Variants in MREG observed in about 807,000 individuals in gnomAD.
MREG encodes melanoregulin.
In MREG, 31 loss-of-function variants were observed where a neutral mutation model predicts 28.5. The observed-to-expected ratio is 1.09, with a 90% CI of 0.82 to 1.47. The LOEUF (loss-of-function observed/expected upper bound fraction) is 1.47, where lower values mean the gene tolerates loss of function less well. Among genes scored for constraint, MREG ranks in the 40% most tolerant of loss-of-function variants. The pLI, the probability that MREG is intolerant of heterozygous loss-of-function variation, is 0.00. For synonymous variants in MREG, 106 were observed against 95.2 expected, an observed-to-expected ratio of 1.11 and a Z score of -0.66; for missense variants, 256 against 257.4, an observed-to-expected ratio of 0.99 and a Z score of 0.04.
At chr2:215,974,876 CCT>C (rs1193360659) in intron 2 of MREG, among the ~76,000 whole-genome samples, 35 of 137,864 alleles carry the variant, frequency 2.5e-4, no homozygotes, top group Admixed American at 1.6e-3. Flanking sequence ...TCTCTCTCTC[CCT>C]CTCTCCACCT....
intron 1 of MREG, among the ~76,000 whole-genome samples, chr2:215,999,254 C>A (rs1446683590): frequency 1.3e-5 from 2 of 152,186 alleles, no homozygotes; most frequent in East Asian, 3.8e-4. Context: ...CTGTGAACTG[C>A]AACATTATCA....
intron 1 of MREG, among the ~76,000 whole-genome samples, chr2:216,009,719 T>C (rs995965522): frequency 1.3e-5 from 2 of 152,098 alleles, no homozygotes; most frequent in African/African-American, 4.8e-5. Flanking sequence ...TTATTTTTAA[T>C]AGAGACAGGG....
chr2:215,986,707 C>T (rs762220778), intron 2 of MREG, among the ~76,000 whole-genome samples: 80 of 152,308 alleles, frequency 5.3e-4, no homozygotes, highest in Non-Finnish European at 6.5e-4. Flanking sequence ...CATACGAGTT[C>T]CCCTGCACAA....
At chr2:215,957,561 A>C (rs777098095) in intron 2 of MREG, among the ~76,000 whole-genome samples, 1 of 152,184 alleles carries the variant, frequency 6.6e-6, no homozygotes, top group Non-Finnish European at 1.5e-5. Flanking sequence ...GATTCTAAGG[A>C]CTGAGGAGAG....
At chr2:216,012,152 T>G (rs1694330513) in intron 1 of MREG, among the ~76,000 whole-genome samples, 1 of 152,156 alleles carries the variant, frequency 6.6e-6, no homozygotes, top group Admixed American at 6.5e-5. Context: ...GAAGATTGCT[T>G]GAGAAGGCCT....
intron 1 of MREG, among the ~76,000 whole-genome samples, chr2:215,998,660 T>C (rs925980457): frequency 1.3e-5 from 2 of 152,268 alleles, no homozygotes; most frequent in Non-Finnish European, 1.5e-5. Context: ...CCCCACAGCC[T>C]GACTCTTCCT....
chr2:216,014,658 A>AT (rs111470449), upstream of MREG, among the ~76,000 whole-genome samples: 13 of 137,224 alleles, frequency 9.5e-5, no homozygotes, highest in East Asian at 3.9e-4. Flanking sequence ...CAAAAAAAAA[A>AT]AAATAAAATT....
intron 2 of MREG, among the ~76,000 whole-genome samples, chr2:215,978,226 A>T (rs1268214377): frequency 6.6e-6 from 1 of 152,226 alleles, no homozygotes; most frequent in Admixed American, 6.5e-5. Flanking sequence ...ACAGAAATAC[A>T]AACTACCATC....
chr2:215,971,234 C>A lies in MREG; in HGVS notation c.256-24121G>T, dbSNP rs61130441. Among the ~76,000 whole-genome samples, 548 of 152,268 alleles carry A rather than the reference C, an allele frequency of 3.6e-3. 8 individuals are homozygous for A. The highest frequency in any genetic ancestry group is 0.011 in the African/African-American group (457 of 41,546). On this transcript the variant is annotated intron_variant, in intron 2 of 4. Coordinates refer to ENST00000263268, the MANE Select transcript of MREG (RefSeq NM_018000.3). ...TGACGGGTTGATACGGGCAGCAAAC[C>A]ACCATGGCACATGTATGTCTATGTA...
At chr2:215,956,970 A>C (rs528058913) in intron 2 of MREG, among the ~76,000 whole-genome samples, 10 of 152,292 alleles carry the variant, frequency 6.6e-5, no homozygotes, top group Admixed American at 6.5e-4. Flanking sequence ...ACTGAGACTG[A>C]AGTAACTTCC....
At chr2:215,951,695 C>T (rs6744723) in intron 2 of MREG, among the ~76,000 whole-genome samples, 16,420 of 151,958 alleles carry the variant, frequency 0.11, 952 homozygotes, top group Middle Eastern at 0.23. Context: ...TTTTTTTCCT[C>T]GTCAGTTGTT....
chr2:215,962,562 C>G (rs1222362680), intron 2 of MREG, among the ~76,000 whole-genome samples: 1 of 152,190 alleles, frequency 6.6e-6, no homozygotes, highest in Non-Finnish European at 1.5e-5. Context: ...AAAAAGAAGA[C>G]TTACATTTCT....
intron 1 of MREG, among the ~76,000 whole-genome samples, chr2:216,030,267 C>T (rs1276533449): frequency 6.6e-6 from 1 of 152,134 alleles, no homozygotes; most frequent in Non-Finnish European, 1.5e-5. Flanking sequence ...TCTTCATTGT[C>T]CTTGGTGCTG....
At chr2:215,963,217 T>C (rs923054116) in intron 2 of MREG, among the ~76,000 whole-genome samples, 1 of 152,008 alleles carries the variant, frequency 6.6e-6, no homozygotes, top group East Asian at 1.9e-4. Context: ...CCCAGCACTG[T>C]GGAAGGCCGA....
chr2:215,941,958 G>T (rs1692202944), downstream of MREG, among the ~76,000 whole-genome samples: 1 of 152,152 alleles, frequency 6.6e-6, no homozygotes, highest in Non-Finnish European at 1.5e-5. Context: ...ACAGCATCTG[G>T]CCTTCAGAAC....
At chr2:216,018,387 C>T (rs1694475544), upstream of MREG, among the ~76,000 whole-genome samples, 2 of 152,154 alleles carry the variant, frequency 1.3e-5, no homozygotes, top group Non-Finnish European at 2.9e-5. Flanking sequence ...ACAGTGCAGA[C>T]CTTGCCATAC....
chr2:216,007,205 T>A (rs1340986298), intron 1 of MREG, among the ~76,000 whole-genome samples: 1 of 152,118 alleles, frequency 6.6e-6, no homozygotes, highest in Non-Finnish European at 1.5e-5. Context: ...ATTCGCCCAC[T>A]CGTCAAAATT....
At chr2:215,966,927 C>T (rs1419896560) in intron 2 of MREG, among the ~76,000 whole-genome samples, 1 of 152,068 alleles carries the variant, frequency 6.6e-6, no homozygotes, top group Non-Finnish European at 1.5e-5. Context: ...TTCTAGTATC[C>T]CATTCACTGT....
chr2:215,981,445 C>A (rs1693426925), intron 2 of MREG, among the ~76,000 whole-genome samples: 1 of 151,022 alleles, frequency 6.6e-6, no homozygotes, highest in Non-Finnish European at 1.5e-5. Flanking sequence ...ACAGTACGTA[C>A]CTAAAGTAGC....
Sources: gnomAD v4.1 joint callset for allele counts (sites outside exome capture counted in the v4.1 genomes callset) on GRCh38, gnomAD v4.1.1 for gene constraint, MANE v1.5 for transcripts, NCBI Gene and HGNC (gene_info 2026-07-23, HGNC 2026-07-21) for gene names.